KIF1A: variants seen among roughly 807,000 people sequenced by gnomAD.
The protein encoded by KIF1A is kinesin-like protein KIF1A.
A neutral mutation model predicts 227.3 loss-of-function variants in KIF1A; 46 were observed. The observed-to-expected ratio is 0.20, with a 90% CI of 0.16 to 0.26. KIF1A has a LOEUF of 0.26. Ranked by LOEUF, KIF1A falls within the 10% of genes least tolerant of loss-of-function variation. The pLI, the probability that KIF1A is intolerant of heterozygous loss-of-function variation, is 1.00. For missense variants in KIF1A, 1,683 were observed against 2,485.9 expected, an observed-to-expected ratio of 0.68 and a Z score of 6.87; for synonymous variants, 1,022 against 1,012.8, an observed-to-expected ratio of 1.01 and a Z score of -0.17.
intron 1 of KIF1A, among the ~76,000 whole-genome samples, chr2:240,800,862 G>A (rs545660589): frequency 3.3e-5 from 5 of 152,344 alleles, no homozygotes; most frequent in South Asian, 2.1e-4. Context: ...AGCAAGGTAC[G>A]AAACCTAAGA....
chr2:240,716,306 ACCTTGACTCACT>A lies in KIF1A; in HGVS notation c.*1046_*1057del, dbSNP rs1231221860. On this transcript the variant is annotated 3_prime_UTR_variant, in exon 49 of 49. Coordinates refer to ENST00000498729, the MANE Select transcript of KIF1A (RefSeq NM_001244008.2). ...ATGGCAGCATTTCTTCCCAGAAGCT[ACCTTGACTCACT>A]CCATTTCTCGCCGCAGCTGAAGAGG... 6.6e-6 allele frequency: 1 copy of A among 152,120 alleles called. No homozygotes were observed. Among genetic ancestry groups the A allele is most frequent in the Admixed American group, 6.5e-5 (1 of 15,268 alleles). The allele number at this position is 152,120 out of a possible 1,614,324, so 9.4% of individuals were successfully genotyped here.
In KIF1A at chr2:240,793,025, AG is replaced by A. The variant is rs1240334458; in HGVS notation, c.107-3714del. On this transcript the variant is annotated intron_variant, in intron 2 of 48. Transcript: ENST00000498729. The surrounding 1 kb of genome is among the most constrained non-coding windows in gnomAD (Gnocchi z 4.8). ...GACCTCCGAGTCTGGCCTCCAGAAC[AG>A]GGGGGGGACATTTCTGTCATTTGAA... Among the ~76,000 whole-genome samples the A allele has an allele frequency of 2.7e-5, 4 of 147,398 alleles. No homozygotes were observed. The East Asian group carries it at 5.9e-4, about 22-fold the overall frequency.
intron 27 of KIF1A, among the ~76,000 whole-genome samples, chr2:240,751,034 C>T (rs914881361): frequency 6.6e-6 from 1 of 152,188 alleles, no homozygotes; most frequent in Non-Finnish European, 1.5e-5. Flanking sequence ...GTGGGAGCTC[C>T]GAGGTGAGTT....
At chr2:240,734,146 T>C (rs368230024) in intron 38 of KIF1A, among the ~76,000 whole-genome samples, 104 of 152,226 alleles carry the variant, frequency 6.8e-4, no homozygotes, top group African/African-American at 2.3e-3. Context: ...CTGTCCCTCC[T>C]CCTGGCCTGG....
chr2:240,805,502 A>G (rs916486699), intron 1 of KIF1A, among the ~76,000 whole-genome samples: 1 of 152,256 alleles, frequency 6.6e-6, no homozygotes. Context: ...ATATAAAACC[A>G]AAGTTCAGAG....
rs188580249 is a variant in KIF1A, at chr2:240,719,254, G to A, written c.5022-56C>T. ...CCTCGGTGGGGGCAGCGACTGACTC[G>A]GGCACTCACCATCTACCACCCAGAG... On this transcript the variant is annotated intron_variant, in intron 46 of 48. Transcript: ENST00000498729. The A allele has an allele frequency of 7.8e-5, 121 of 1,545,980 alleles. No individual in the cohort carries two copies. In the African/African-American group the frequency reaches 1.3e-3, roughly 16 times the overall value.
intron 27 of KIF1A, among the ~76,000 whole-genome samples, chr2:240,750,945 C>G (rs544354027): frequency 6.6e-6 from 1 of 152,338 alleles, no homozygotes; most frequent in South Asian, 2.1e-4. Flanking sequence ...CAGCATCGCT[C>G]TGCCTCCTGC....
chr2:240,820,887 C>T (rs962975896), upstream of KIF1A, among the ~76,000 whole-genome samples: 2 of 152,128 alleles, frequency 1.3e-5, no homozygotes, highest in Non-Finnish European at 2.9e-5. This position sits in a 1 kb window ranked among gnomAD's most constrained non-coding sequence, Gnocchi z 6.2. Flanking sequence ...TCCTCTCGCC[C>T]CACCTCTCCA....
At chr2:240,800,846 A>G (rs1189867823) in intron 1 of KIF1A, among the ~76,000 whole-genome samples, 2 of 152,248 alleles carry the variant, frequency 1.3e-5, no homozygotes, top group Non-Finnish European at 2.9e-5. Flanking sequence ...CTCTGGCTGA[A>G]AGCCCAGCAA....
At position 240,746,075 on chromosome 2, in the gene KIF1A, G is replaced by T; in HGVS notation, c.3166C>A (p.Pro1056Thr). ...TTGTTGTTGACTTCATCGGCTGAGG[G>T]CCCCACGTCTGCACCCTGGCCCTGG... ...EGQGQGADVGPSADEVNNNTC... is the reference protein window; with the variant it reads ...EGQGQGADVGTSADEVNNNTC... The change falls in exon 30 of 49, where the codon CCC (proline) becomes ACC (threonine). Residue 1056 changes from proline (P) to threonine (T), a missense_variant. Physicochemically the swap from Pro to Thr is conservative, Grantham distance 38 (BLOSUM62 -1). Around this residue, in one of 12 missense-constraint regions of KIF1A, gnomAD observed 759 missense variants for 1,020.2 expected, o/e 0.74. Transcript: ENST00000498729. The T allele has an allele frequency of 6.2e-7, 1 of 1,601,462 alleles. No homozygotes were observed.
intron 29 of KIF1A, 42 bp downstream of exon 29, chr2:240,747,194 C>T: frequency 6.7e-7 from 1 of 1,498,142 alleles, no homozygotes. Flanking sequence ...CCAGTGAGCG[C>T]CAGGCACCTC....
At chr2:240,760,289 C>A (rs1178761628) in intron 25 of KIF1A, among the ~76,000 whole-genome samples, 1 of 152,226 alleles carries the variant, frequency 6.6e-6, no homozygotes, top group Non-Finnish European at 1.5e-5. Flanking sequence ...GGGGAGCCAC[C>A]CTTCAGGCCC....
In KIF1A at chr2:240,763,338, T is replaced by C. The variant is rs1473740450; in HGVS notation, c.1777A>G (p.Ile593Val). ...AACACATGGCTCTTACCCATGATGA[T>C]GCGGTTTCCTGGGGAACAGAGGGAC... is the stretch of plus-strand genomic sequence containing the variant. Reference protein sequence around the residue: ...EPSILRSGNRIIMGKSHVFRF... With the variant: ...EPSILRSGNRVIMGKSHVFRF... The change falls in exon 21 of 49, where the codon ATC becomes GTC. Residue 593 changes from isoleucine (I) to valine (V), a missense_variant. Coordinates refer to ENST00000498729, the MANE Select transcript of KIF1A (RefSeq NM_001244008.2). 1.9e-6 allele frequency: 3 copies of C among 1,576,158 alleles called. No individual in the cohort carries two copies. The East Asian group carries it at 7.0e-5, about 37-fold the overall frequency.
chr2:240,772,408 G>A (rs1450677235), intron 14 of KIF1A, among the ~76,000 whole-genome samples, 162 bp downstream of exon 14: 1 of 152,194 alleles, frequency 6.6e-6, no homozygotes, highest in Non-Finnish European at 1.5e-5. Context: ...TACGAGCAGG[G>A]CCCTGTGGCT....
chr2:240,733,442 G>C (rs973335519), intron 38 of KIF1A, among the ~76,000 whole-genome samples: 1 of 152,186 alleles, frequency 6.6e-6, no homozygotes, highest in African/African-American at 2.4e-5. Flanking sequence ...CACCATCACA[G>C]GGGTCCCTTG....
chr2:240,782,320 C>CA (rs2054154295), intron 10 of KIF1A: 2 of 657,488 alleles, frequency 3.0e-6, no homozygotes, highest in African/African-American at 3.9e-5. Context: ...CCACGCCCCC[C>CA]GGGCCACACT....
chr2:240,783,162 CTGCTCT>C, intron 8 of KIF1A, 53 bp from the exon 9 acceptor site: 3 of 1,405,168 alleles, frequency 2.1e-6, no homozygotes, highest in Non-Finnish European at 3.0e-6. Flanking sequence ...GTGGGGCCTC[CTGCTCT>C]GGAGGGATGC....
intron 1 of KIF1A, among the ~76,000 whole-genome samples, chr2:240,810,589 C>T (rs935706119): frequency 8.5e-5 from 13 of 152,210 alleles, no homozygotes; most frequent in African/African-American, 2.4e-4. Flanking sequence ...GGGAGAAATA[C>T]ACCCAAATGC....
chr2:240,757,523 G>A lies in KIF1A; in HGVS notation c.2654C>T (p.Thr885Ile), dbSNP rs769876265. The A allele has an allele frequency of 2.5e-5, 38 of 1,550,462 alleles. No individual in the cohort carries two copies. The highest frequency in any genetic ancestry group is 3.1e-5 in the Non-Finnish European group (35 of 1,147,016). Residue 885 changes from threonine (T) to isoleucine (I), a missense_variant, in exon 27 of 49, where the codon ACC becomes ATC. Thr to Ile is a moderately conservative substitution (Grantham distance 89). This residue lies in a region of KIF1A where 759 missense variants were observed against 1,020.2 expected (regional missense o/e 0.74). Coordinates refer to ENST00000498729, the MANE Select transcript of KIF1A (RefSeq NM_001244008.2). The surrounding 1 kb of genome is among the most constrained non-coding windows in gnomAD (Gnocchi z 6.2). ...GGGGCTCGAGAAGGTGGGGGAGGGG[G>A]TGAGAGCAGCCATGCGCTCGCTCAT... ...TCMSERMAALTPSPTFSSPDS... is the reference protein window; with the variant it reads ...TCMSERMAALIPSPTFSSPDS...
Sources: allele counts gnomAD v4.1 joint callset (sites outside exome capture counted in the v4.1 genomes callset), GRCh38; gene constraint gnomAD v4.1.1; regional missense constraint gnomAD v4.1.1; non-coding constraint Gnocchi (gnomAD v3.1); transcripts MANE v1.5; gene names NCBI Gene and HGNC (gene_info 2026-07-23, HGNC 2026-07-21).